Variants in VPS50 observed in about 807,000 individuals in gnomAD.
VPS50 encodes the protein VPS50 subunit of EARP/GARPII complex, also known as syndetin.
VPS50 carries 70 observed loss-of-function variants against 139.7 expected under a neutral mutation model. The observed-to-expected ratio is 0.50, with a 90% CI of 0.41 to 0.61. The LOEUF (loss-of-function observed/expected upper bound fraction) is 0.61, where lower values mean the gene tolerates loss of function less well. VPS50 is among the 20% of genes least tolerant of loss of function. The probability of loss-of-function intolerance (pLI) is 0.00; values close to 1 mark genes in which losing one functional copy is unlikely to be tolerated. For synonymous variants in VPS50, 365 were observed against 376.7 expected, an observed-to-expected ratio of 0.97 and a Z score of 0.36; for missense variants, 921 against 1,133.7, an observed-to-expected ratio of 0.81 and a Z score of 2.69.
chr7:93,288,194 A>G (rs1485904295), intron 12 of VPS50, among the ~76,000 whole-genome samples: 1 of 152,148 alleles, frequency 6.6e-6, no homozygotes, highest in Non-Finnish European at 1.5e-5. Context: ...GGGGATTATT[A>G]CAACTCAAGG....
intron 2 of VPS50, chr7:93,246,234 T>A: frequency 1.4e-6 from 1 of 740,730 alleles, no homozygotes; most frequent in Non-Finnish European, 2.3e-6. Flanking sequence ...AGATTTGCTG[T>A]GGCAAACCGC....
chr7:93,358,001 C>CT (rs1343418242), intron 27 of VPS50, among the ~76,000 whole-genome samples: 1 of 152,022 alleles, frequency 6.6e-6, no homozygotes, highest in African/African-American at 2.4e-5. Flanking sequence ...ATAACAAAGA[C>CT]TATTACAGAA....
chr7:93,252,576 C>T, intron 2 of VPS50, 77 bp from the exon 3 acceptor site: 2 of 992,750 alleles, frequency 2.0e-6, no homozygotes, highest in Admixed American at 2.3e-5. Context: ...ACTGTTAAGA[C>T]AAATGATCAT....
intron 2 of VPS50, among the ~76,000 whole-genome samples, chr7:93,243,406 A>G (rs28685123): frequency 0.15 from 23,104 of 151,782 alleles, 2,891 homozygotes; most frequent in East Asian, 0.4. Context: ...TGGTAATTCC[A>G]GTGTAGAGCC....
chr7:93,311,103 G>A, intron 19 of VPS50, 63 bp from the exon 20 acceptor site: 1 of 795,616 alleles, frequency 1.3e-6, no homozygotes, highest in Non-Finnish European at 2.3e-6. Flanking sequence ...GGACCTATCT[G>A]ACTAACTTAT....
chr7:93,342,009 G>T (rs1798225500), intron 23 of VPS50, among the ~76,000 whole-genome samples: 1 of 152,218 alleles, frequency 6.6e-6, no homozygotes, highest in Non-Finnish European at 1.5e-5. Flanking sequence ...CCAGTCTGCA[G>T]CTCCCAGCGT....
At chr7:93,272,959 A>G in intron 11 of VPS50, 1 of 268,334 alleles carries the variant, frequency 3.7e-6, no homozygotes. Context: ...AGTACTTGTC[A>G]GGTTTAATAT....
Position 93,358,631 on chromosome 7 carries a change from T to C in VPS50, c.*195T>C. 2 of 485,364 alleles carry C rather than the reference T, an allele frequency of 4.1e-6. No homozygotes were observed. Among genetic ancestry groups the C allele is most frequent in the South Asian group, 2.9e-5 (1 of 34,460 alleles). The allele number at this position is 485,364 out of a possible 1,614,324, so 30.1% of individuals were successfully genotyped here. A position where few individuals can be genotyped will look rare whatever the true frequency, so the allele number is the denominator to read the frequency against. On this transcript the variant is annotated 3_prime_UTR_variant, in exon 28 of 28. Coordinates refer to ENST00000305866, the MANE Select transcript of VPS50 (RefSeq NM_017667.4). Reference sequence around the variant, plus strand: ...TATATGCTGTGGTCTCTTCAACTTTTGGTCTCATTTGTTGTAATCTGAAAT... The same window carrying C: ...TATATGCTGTGGTCTCTTCAACTTTCGGTCTCATTTGTTGTAATCTGAAAT...
At chr7:93,303,599 T>C in intron 17 of VPS50, 49 bp downstream of exon 17, 2 of 795,564 alleles carry the variant, frequency 2.5e-6, no homozygotes, top group Non-Finnish European at 4.0e-6. Flanking sequence ...TAATGTATTT[T>C]ACCCTTTTTT....
At chr7:93,325,140 C>T (rs935127581) in intron 21 of VPS50, among the ~76,000 whole-genome samples, 39 of 152,214 alleles carry the variant, frequency 2.6e-4, no homozygotes, top group African/African-American at 7.5e-4. Flanking sequence ...GAAAAAACGC[C>T]GCATATCTAC....
At position 93,307,540 on chromosome 7, in the gene VPS50, T is replaced by TCTGCA. The variant is rs374149484; in HGVS notation, c.1630-1282_1630-1278dup. ...TTGGATGACTCAAAGTTTTCACTGTTCTGCACGTTTATGACTGACTCCAAA... is the reference window on the plus strand; with the variant it reads ...TTGGATGACTCAAAGTTTTCACTGTTCTGCACTGCACGTTTATGACTGACTCCAAA... On this transcript the variant is annotated intron_variant, in intron 18 of 27. Transcript: ENST00000305866. Among the ~76,000 whole-genome samples the TCTGCA allele has an allele frequency of 2.2e-3, 330 of 152,058 alleles. 1 individual carries two copies. The highest frequency in any genetic ancestry group is 7.5e-3 in the African/African-American group (312 of 41,550).
chr7:93,237,882 CCTCT>C (rs1331957936), intron 1 of VPS50, among the ~76,000 whole-genome samples: 2 of 152,074 alleles, frequency 1.3e-5, no homozygotes, highest in African/African-American at 4.8e-5. Context: ...TTTTCCTGAT[CCTCT>C]CTCTCCTCCT....
At chr7:93,323,162 T>C (rs1037721456) in intron 20 of VPS50, 1 of 152,146 alleles carries the variant, frequency 6.6e-6, no homozygotes, top group Non-Finnish European at 1.5e-5. Flanking sequence ...TATAAGCTTA[T>C]GAAAAATAAA....
intron 23 of VPS50, among the ~76,000 whole-genome samples, chr7:93,344,247 T>C (rs1341854837): frequency 6.6e-6 from 1 of 152,160 alleles, no homozygotes; most frequent in Non-Finnish European, 1.5e-5. Context: ...CATTACTTAA[T>C]GATAAAGGGA....
intron 23 of VPS50, among the ~76,000 whole-genome samples, chr7:93,346,909 G>A (rs1005442124): frequency 1.4e-5 from 2 of 140,258 alleles, no homozygotes; most frequent in Non-Finnish European, 3.0e-5. Flanking sequence ...CAGGACATAG[G>A]CATGGGCAAG....
chr7:93,266,280 A>G (rs1328437138), intron 9 of VPS50, among the ~76,000 whole-genome samples: 1 of 152,226 alleles, frequency 6.6e-6, no homozygotes, highest in Non-Finnish European at 1.5e-5. Context: ...ATCATGAAAC[A>G]TTAGAGCTGG....
chr7:93,347,242 C>T (rs574392517), intron 23 of VPS50, among the ~76,000 whole-genome samples: 2 of 142,470 alleles, frequency 1.4e-5, no homozygotes, highest in Non-Finnish European at 3.0e-5. Flanking sequence ...CCATCACTGG[C>T]CATCAGAGAA....
intron 9 of VPS50, among the ~76,000 whole-genome samples, chr7:93,269,500 C>G (rs1260137655): frequency 6.6e-6 from 1 of 152,098 alleles, no homozygotes; most frequent in Non-Finnish European, 1.5e-5. Context: ...ATGATAAATA[C>G]TATTTGCAGA....
At chr7:93,245,045 TA>T (rs1795107650) in intron 2 of VPS50, among the ~76,000 whole-genome samples, 1 of 151,884 alleles carries the variant, frequency 6.6e-6, no homozygotes, top group Non-Finnish European at 1.5e-5. Context: ...AGACTGTTCC[TA>T]ACTCAACCTG....
Sources: gnomAD v4.1 joint callset for allele counts (sites outside exome capture counted in the v4.1 genomes callset) on GRCh38, gnomAD v4.1.1 for gene constraint, MANE v1.5 for transcripts, NCBI Gene and HGNC (gene_info 2026-07-23, HGNC 2026-07-21) for gene names.